The following IMPG2 variants were observed in gnomAD, a reference collection of about 807,000 sequenced individuals.
IMPG2 encodes interphotoreceptor matrix proteoglycan 2, also known as IPM 200.
IMPG2 carries 91 observed loss-of-function variants against 129.2 expected under a neutral mutation model. That is an observed-to-expected ratio of 0.70 (90% CI 0.59 to 0.84). IMPG2 has a LOEUF of 0.84. IMPG2 is among the 40% of genes least tolerant of loss of function. The probability of loss-of-function intolerance (pLI) is 0.00; values close to 1 mark genes in which losing one functional copy is unlikely to be tolerated. For synonymous variants in IMPG2, 510 were observed against 517.7 expected, an observed-to-expected ratio of 0.99 and a Z score of 0.20; for missense variants, 1,430 against 1,461.7, an observed-to-expected ratio of 0.98 and a Z score of 0.35.
Position 101,294,869 on chromosome 3 carries a change from T to C in IMPG2, c.502-3359A>G, listed in dbSNP as rs150047949. Among the ~76,000 whole-genome samples, 7 of 152,362 alleles carry C rather than the reference T, an allele frequency of 4.6e-5. No individual in the cohort carries two copies. In the East Asian group the frequency reaches 1.2e-3, roughly 25 times the overall value. ...TATTGATGAGCTTTTTTTCATATGT[T>C]TGTTGGCTGCATAAATGTCTTCTTT... On this transcript the variant is annotated intron_variant, in intron 3 of 18. Coordinates refer to ENST00000193391, the MANE Select transcript of IMPG2 (RefSeq NM_016247.4).
At chr3:101,243,039 A>C (rs1706428029) in intron 13 of IMPG2, 132 bp from the exon 14 acceptor site, 1 of 732,816 alleles carries the variant, frequency 1.4e-6, no homozygotes, top group Admixed American at 2.0e-5. Flanking sequence ...ATCTACACTT[A>C]AACTGTTAAT....
Position 101,228,831 on chromosome 3 carries a change from GAT to G in IMPG2, c.3677_3678del (p.Asp1226AlafsTer2). ...TCTCTCACAAAAGCTGCAAACTCAG[GAT>G]CATTGGCATACAGTTCCAAAACTCT... is the stretch of plus-strand genomic sequence containing the variant. ...RMRVLELYAN[D>X]PEFAAFVREQ... On this transcript the variant is annotated frameshift_variant, in exon 18 of 19. Transcript: ENST00000193391. LOFTEE classifies it high-confidence loss of function. The G allele has an allele frequency of 6.2e-7, 1 of 1,613,876 alleles. No individual in the cohort carries two copies. Among genetic ancestry groups the G allele is most frequent in the Non-Finnish European group, 8.5e-7 (1 of 1,179,894 alleles).
intron 4 of IMPG2, among the ~76,000 whole-genome samples, chr3:101,288,765 A>G (rs1304464281): frequency 6.6e-6 from 1 of 152,172 alleles, no homozygotes; most frequent in Non-Finnish European, 1.5e-5. Context: ...TGGGTCCAAT[A>G]TACCCATGTA....
chr3:101,249,488 G>C (rs959050411), intron 11 of IMPG2, among the ~76,000 whole-genome samples: 7 of 151,680 alleles, frequency 4.6e-5, no homozygotes, highest in Non-Finnish European at 7.4e-5. Context: ...ATAAAAATCT[G>C]GAAAGGGAAA....
chr3:101,253,687 A>G lies in IMPG2; in HGVS notation c.1239+9T>C. 6.3e-7 allele frequency: 1 copy of G among 1,599,922 alleles called. No homozygotes were observed. The highest frequency in any genetic ancestry group is 8.6e-7 in the Non-Finnish European group (1 of 1,168,500). On this transcript the variant is annotated intron_variant, in intron 11 of 18. Coordinates refer to ENST00000193391, the MANE Select transcript of IMPG2 (RefSeq NM_016247.4). ...GGGCCTGGTTCTAGCATAAAACATA[A>G]AAACATACCAGAATAGATGACGGCG...
In IMPG2 at chr3:101,234,113, G is replaced by A. The variant is rs1002951931; in HGVS notation, c.3023-1122C>T. 2.0e-5 allele frequency among the ~76,000 whole-genome samples: 3 copies of A among 150,636 alleles called. No individual in the cohort carries two copies. In the South Asian group the frequency reaches 6.5e-4, roughly 32 times the overall value. ...AAGTTCATGTCCATCCAGAACCGCAGAATATGACCTTACTTGGAAACAGAG... is the reference window on the plus strand; with the variant it reads ...AAGTTCATGTCCATCCAGAACCGCAAAATATGACCTTACTTGGAAACAGAG... On this transcript the variant is annotated intron_variant, in intron 14 of 18. Coordinates refer to ENST00000193391, the MANE Select transcript of IMPG2 (RefSeq NM_016247.4).
chr3:101,267,578 T>A, intron 8 of IMPG2, 47 bp from the exon 9 acceptor site: 1 of 1,441,110 alleles, frequency 6.9e-7, no homozygotes, highest in Non-Finnish European at 9.8e-7. Context: ...AGACAGTTAT[T>A]ATTGTCACAT....
chr3:101,232,545 C>A (rs924705598), intron 15 of IMPG2, among the ~76,000 whole-genome samples: 8 of 151,894 alleles, frequency 5.3e-5, no homozygotes, highest in Admixed American at 1.3e-4. Flanking sequence ...GCCAGTAGGA[C>A]ATATTTAGAC....
chr3:101,281,787 C>T (rs924683174), intron 4 of IMPG2, among the ~76,000 whole-genome samples: 4 of 152,010 alleles, frequency 2.6e-5, no homozygotes, highest in African/African-American at 7.2e-5. Flanking sequence ...GTCAGAGTGA[C>T]GGAATGTGAG....
chr3:101,313,898 T>G (rs1016398834), intron 2 of IMPG2, among the ~76,000 whole-genome samples: 6 of 152,086 alleles, frequency 3.9e-5, no homozygotes, highest in Non-Finnish European at 8.8e-5. Flanking sequence ...AGTTGCAGGA[T>G]AAAAGGCCAA....
At chr3:101,252,824 C>T (rs187601201) in intron 11 of IMPG2, among the ~76,000 whole-genome samples, 2 of 152,130 alleles carry the variant, frequency 1.3e-5, no homozygotes, top group African/African-American at 4.8e-5. Context: ...TTCCATCGCT[C>T]CATTAAAGTC....
At chr3:101,302,080 C>T (rs973631814) in intron 3 of IMPG2, among the ~76,000 whole-genome samples, 9 of 152,212 alleles carry the variant, frequency 5.9e-5, no homozygotes, top group Admixed American at 1.3e-4. Context: ...TCCTTTCTGC[C>T]TAGAATGTTT....
At chr3:101,262,454 T>C (rs570674487) in intron 9 of IMPG2, among the ~76,000 whole-genome samples, 2 of 152,096 alleles carry the variant, frequency 1.3e-5, no homozygotes, top group East Asian at 3.9e-4. Context: ...CACCCAAAAG[T>C]TACAAATAAA....
chr3:101,320,351 CA>C lies in IMPG2; in HGVS notation c.21del (p.Phe7LeufsTer9). On this transcript the variant is annotated frameshift_variant, in exon 1 of 19. Coordinates refer to ENST00000193391, the MANE Select transcript of IMPG2 (RefSeq NM_016247.4). LOFTEE classifies it high-confidence loss of function. ...ATCAAAATACCCAGAGAAATCTTCCCAAAAAGAGGAAACATAATCATTTGGG... is the reference window on the plus strand; with the variant it reads ...ATCAAAATACCCAGAGAAATCTTCCCAAAAGAGGAAACATAATCATTTGGG... MIMFPL[F>X]GKISLGILIF... 6.2e-7 allele frequency: 1 copy of C among 1,607,584 alleles called. No homozygotes were observed. The highest frequency in any genetic ancestry group is 8.5e-7 in the Non-Finnish European group (1 of 1,175,000).
At chr3:101,292,460 A>C (rs576011024) in intron 3 of IMPG2, among the ~76,000 whole-genome samples, 1 of 152,228 alleles carries the variant, frequency 6.6e-6, no homozygotes, top group Non-Finnish European at 1.5e-5. Flanking sequence ...ACATCTAAAA[A>C]AGGTATATAC....
intron 9 of IMPG2, among the ~76,000 whole-genome samples, chr3:101,266,942 C>A (rs1706726687): frequency 6.6e-6 from 1 of 152,158 alleles, no homozygotes; most frequent in African/African-American, 2.4e-5. Flanking sequence ...GCTTTGCAAG[C>A]AGTGAGCAGC....
chr3:101,229,298 A>ACACCCCCCCCCCCCCCCCCCAGGGCCCC, intron 17 of IMPG2, 82 bp downstream of exon 17: 1 of 973,064 alleles, frequency 1.0e-6, no homozygotes, highest in Non-Finnish European at 1.6e-6. Context: ...ACACTCATAC[A>ACACCCCCCCCCCCCCCCCCCAGGGCCCC]CACCCCCACC....
intron 3 of IMPG2, among the ~76,000 whole-genome samples, chr3:101,301,226 A>G (rs1707136723): frequency 6.6e-6 from 1 of 152,242 alleles, no homozygotes; most frequent in East Asian, 1.9e-4. Context: ...AAGATCACTG[A>G]TCACAGATCA....
Position 101,245,979 on chromosome 3 carries a change from C to G in IMPG2, c.1366G>C (p.Gly456Arg), listed in dbSNP as rs1347733557. The G allele has an allele frequency of 1.2e-6, 2 of 1,613,980 alleles. No individual in the cohort carries two copies. The highest frequency in any genetic ancestry group is 1.3e-5 in the African/African-American group (1 of 74,906). Residue 456 changes from glycine to arginine, a missense_variant, in exon 12 of 19, where the codon GGT becomes CGT. Transcript: ENST00000193391. ...AATTTGTGTGTAGACACTAAATCACCCAAAGGACTTTCTGACCAGAGTTCC... is the reference window on the plus strand; with the variant it reads ...AATTTGTGTGTAGACACTAAATCACGCAAAGGACTTTCTGACCAGAGTTCC... ...GRELWSESPL[G>R]DLVSTHKLAF...
Sources: allele counts gnomAD v4.1 joint callset (sites outside exome capture counted in the v4.1 genomes callset), GRCh38; gene constraint gnomAD v4.1.1; transcripts MANE v1.5; gene names NCBI Gene and HGNC (gene_info 2026-07-23, HGNC 2026-07-21).